Variants in ZNF251 observed in about 807,000 individuals in gnomAD.
ZNF251 encodes zinc finger protein 251.
A neutral mutation model predicts 13.5 loss-of-function variants in ZNF251; 14 were observed. That is an observed-to-expected ratio of 1.04 (90% confidence interval 0.69 to 1.63). The LOEUF (loss-of-function observed/expected upper bound fraction) is 1.63. Ranked by LOEUF, ZNF251 falls within the 40% of genes most tolerant of loss-of-function variation. ZNF251 has a pLI of 0.00. For synonymous variants in ZNF251, 287 were observed against 295.2 expected (o/e 0.97, Z 0.28); for missense variants, 764 against 834.9 (o/e 0.92, Z 1.05).
At chr8:144,749,915 C>T (rs1377701294) in intron 4 of ZNF251, among the ~76,000 whole-genome samples, 1 of 144,708 alleles carries the variant, frequency 6.9e-6, no homozygotes, top group Non-Finnish European at 1.5e-5. Flanking sequence ...AAGATGATCT[C>T]GCTATGCTGC....
chr8:144,740,004 T>C (rs534510828), intron 4 of ZNF251, among the ~76,000 whole-genome samples: 86 of 151,582 alleles, frequency 5.7e-4, no homozygotes, highest in African/African-American at 2.1e-3. Flanking sequence ...GAAAAATACA[T>C]GCCAGGTGCC....
At chr8:144,740,302 G>GA (rs530791929) in intron 4 of ZNF251, among the ~76,000 whole-genome samples, 75 of 151,634 alleles carry the variant, frequency 4.9e-4, no homozygotes, top group African/African-American at 1.6e-3. Context: ...AATAACAACA[G>GA]AAAAATACAA....
At chr8:144,738,093 T>A (rs2071046552) in intron 4 of ZNF251, among the ~76,000 whole-genome samples, 1 of 152,052 alleles carries the variant, frequency 6.6e-6, no homozygotes, top group Non-Finnish European at 1.5e-5. Context: ...CCATAACCTA[T>A]AAAGCAACCA....
chr8:144,721,824 A>G lies in ZNF251; in HGVS notation c.1836T>C (p.His612=), dbSNP rs753281046. ...AFSGKSTLIQ[H]QVTHTGQKPC... ...GTTTCTGACCAGTGTGAGTTACCTG[A>G]TGTTGAATAAGGGTTGACTTTCCAC... The change falls in exon 5 of 5, where the codon CAT becomes CAC. Residue 612 remains histidine (H), a synonymous_variant. Transcript: ENST00000292562. 9.4e-6 allele frequency: 14 copies of G among 1,496,692 alleles called. No individual in the cohort carries two copies. The highest frequency in any genetic ancestry group is 2.3e-5 in the Admixed American group (1 of 42,970). The allele number at this position is 1,496,692 out of a possible 1,614,324, so 92.7% of individuals were successfully genotyped here. A position where few individuals can be genotyped will look rare whatever the true frequency, so the allele number is the denominator to read the frequency against.
chr8:144,722,345 C>T lies in ZNF251; in HGVS notation c.1315G>A (p.Gly439Ser), dbSNP rs756086996. 19 of 1,613,740 alleles carry T rather than the reference C, an allele frequency of 1.2e-5. No homozygotes were observed. Among genetic ancestry groups the T allele is most frequent in the East Asian group, 8.9e-5 (4 of 44,880 alleles). The change falls in exon 5 of 5, where the codon GGC becomes AGC. Residue 439 changes from glycine (G) to serine (S), a missense_variant. Coordinates refer to ENST00000292562, the MANE Select transcript of ZNF251 (RefSeq NM_138367.2). This position sits in a 1 kb window ranked among gnomAD's most constrained non-coding sequence, Gnocchi z 4.8. ...GEKPYVCNEC[G>S]KAFRRSSTLV... Reference sequence around the variant, plus strand: ...GTGGAACTCCGACGAAAGGCTTTGCCGCACTCATTACAAACATAGGGTTTT... The same window carrying T: ...GTGGAACTCCGACGAAAGGCTTTGCTGCACTCATTACAAACATAGGGTTTT...
At chr8:144,729,089 GAAAAAA>G (rs770516433) in intron 4 of ZNF251, among the ~76,000 whole-genome samples, 1 of 91,616 alleles carries the variant, frequency 1.1e-5, no homozygotes, top group Non-Finnish European at 2.1e-5. Context: ...TCCATCTATG[GAAAAAA>G]AAAAAAAAAA....
At chr8:144,732,792 A>G (rs1366527742) in intron 4 of ZNF251, among the ~76,000 whole-genome samples, 1 of 144,620 alleles carries the variant, frequency 6.9e-6, no homozygotes, top group Non-Finnish European at 1.5e-5. Flanking sequence ...AGCCTGGGCG[A>G]CAGAGCGAGA....
At chr8:144,741,697 A>G (rs1824173798) in intron 4 of ZNF251, among the ~76,000 whole-genome samples, 1 of 152,260 alleles carries the variant, frequency 6.6e-6, no homozygotes, top group Admixed American at 6.5e-5. Context: ...CTGGAACTGA[A>G]GAACACAATC....
At chr8:144,746,775 T>A (rs896995010) in intron 4 of ZNF251, among the ~76,000 whole-genome samples, 1 of 152,182 alleles carries the variant, frequency 6.6e-6, no homozygotes, top group Non-Finnish European at 1.5e-5. Context: ...TCTTTTTTTT[T>A]TTATTACCCT....
Position 144,722,113 on chromosome 8 carries a change from C to G in ZNF251, c.1547G>C (p.Arg516Pro), listed in dbSNP as rs201656593. The G allele has an allele frequency of 3.8e-5, 61 of 1,613,826 alleles. No homozygotes were observed. The highest frequency in any genetic ancestry group is 4.9e-5 in the Non-Finnish European group (58 of 1,179,910). The change falls in exon 5 of 5, where the codon CGT becomes CCT. Residue 516 changes from arginine to proline, a missense_variant. Transcript: ENST00000292562. This position sits in a 1 kb window ranked among gnomAD's most constrained non-coding sequence, Gnocchi z 4.8. Reference sequence around the variant, plus strand: ...GGCTGGACCATGTTTTCTGCACTTACGAGTCTCTCCGCTGTGAACTTTCTG... The same window carrying G: ...GGCTGGACCATGTTTTCTGCACTTAGGAGTCTCTCCGCTGTGAACTTTCTG... Reference protein sequence around the residue: ...QHQKVHSGETRKCRKHGPAFV... With the variant: ...QHQKVHSGETPKCRKHGPAFV...
intron 4 of ZNF251, among the ~76,000 whole-genome samples, chr8:144,743,103 G>A (rs1036489261): frequency 6.6e-6 from 1 of 151,922 alleles, no homozygotes; most frequent in African/African-American, 2.4e-5. Context: ...TCACTGTTTC[G>A]CCCAGGCTGG....
At position 144,753,675 on chromosome 8, in the gene ZNF251, A is replaced by T. The variant is rs1586712891; in HGVS notation, c.277+8T>A. On this transcript the variant is annotated splice_region_variant and intron_variant, in intron 4 of 4. Transcript: ENST00000292562. ...TGCTCCCAGGATTAGCATCCCATCC[A>T]TTCTCACCTTTCTGGCAGCTTTTCA... is the stretch of plus-strand genomic sequence containing the variant. The T allele has an allele frequency of 6.4e-7, 1 of 1,562,542 alleles. No individual in the cohort carries two copies.
At chr8:144,737,702 G>C (rs958842011) in intron 4 of ZNF251, among the ~76,000 whole-genome samples, 1 of 148,346 alleles carries the variant, frequency 6.7e-6, no homozygotes, top group Admixed American at 6.7e-5. Context: ...CGTGGTGGCA[G>C]GCGCCTGTAG....
At position 144,734,872 on chromosome 8, in the gene ZNF251, G is replaced by C. The variant is rs1823831665; in HGVS notation, c.278-11490C>G. On this transcript the variant is annotated intron_variant, in intron 4 of 4. Transcript: ENST00000292562. This position sits in a 1 kb window ranked among gnomAD's most constrained non-coding sequence, Gnocchi z 4.4. Reference sequence around the variant, plus strand: ...GTAGATCACCTGAGGTCAGGAGTTTGAGACCAGCCTGACCAACACAGAGAA... The same window carrying C: ...GTAGATCACCTGAGGTCAGGAGTTTCAGACCAGCCTGACCAACACAGAGAA... 6.6e-6 allele frequency among the ~76,000 whole-genome samples: 1 copy of C among 151,934 alleles called. No homozygotes were observed. The highest frequency in any genetic ancestry group is 1.5e-5 in the Non-Finnish European group (1 of 68,004).
At chr8:144,724,511 T>A (rs964913352) in intron 4 of ZNF251, among the ~76,000 whole-genome samples, 3 of 152,010 alleles carry the variant, frequency 2.0e-5, no homozygotes, top group Non-Finnish European at 4.4e-5. Flanking sequence ...ATAACTTTTT[T>A]AAAAAGCTGA....
At chr8:144,750,605 T>C (rs1227846152) in intron 4 of ZNF251, among the ~76,000 whole-genome samples, 9 of 152,074 alleles carry the variant, frequency 5.9e-5, no homozygotes, top group Admixed American at 5.9e-4. Context: ...CACAAGGAGA[T>C]TTTTCTCTGA....
At chr8:144,744,513 G>C (rs1000520994) in intron 4 of ZNF251, among the ~76,000 whole-genome samples, 14 of 152,144 alleles carry the variant, frequency 9.2e-5, no homozygotes, top group Non-Finnish European at 1.6e-4. Context: ...AAATTCACAT[G>C]TTGAAGCCTC....
intron 4 of ZNF251, among the ~76,000 whole-genome samples, chr8:144,736,514 A>T (rs1415536949): frequency 1.3e-5 from 2 of 149,928 alleles, no homozygotes; most frequent in Non-Finnish European, 3.0e-5. Context: ...TTTTTGAGAC[A>T]GAGTTTCGCT....
At chr8:144,746,843 T>G (rs1824452833) in intron 4 of ZNF251, among the ~76,000 whole-genome samples, 1 of 152,170 alleles carries the variant, frequency 6.6e-6, no homozygotes, top group South Asian at 2.1e-4. Flanking sequence ...GATATTAGTA[T>G]TTTGTGTCCT....
Sources: gnomAD v4.1 joint callset for allele counts (sites outside exome capture counted in the v4.1 genomes callset) on GRCh38, gnomAD v4.1.1 for gene constraint, Gnocchi (gnomAD v3.1) non-coding constraint, MANE v1.5 for transcripts, NCBI Gene and HGNC (gene_info 2026-07-23, HGNC 2026-07-21) for gene names.